WDHD1: variants seen among roughly 807,000 people sequenced by gnomAD.
WDHD1 encodes the protein WD repeat and HMG-box DNA binding protein 1.
Under a neutral mutation model 135.4 loss-of-function variants are expected in WDHD1, and 111 were observed. That is an observed-to-expected ratio of 0.82 (90% CI 0.70 to 0.96). WDHD1 has a LOEUF of 0.96. Ranked by LOEUF, WDHD1 falls within the 40% of genes least tolerant of loss-of-function variation. The probability of loss-of-function intolerance (pLI) is 0.00; values close to 1 mark genes in which losing one functional copy is unlikely to be tolerated. For synonymous variants in WDHD1, 434 were observed against 439.0 expected (o/e 0.99, Z 0.14); for missense variants, 1,351 against 1,336.3 (o/e 1.01, Z -0.17).
chr14:54,971,712 CAAAAAAAAAA>C (rs1195129802), intron 16 of WDHD1, among the ~76,000 whole-genome samples: 847 of 42,314 alleles, frequency 0.02, 20 homozygotes, highest in African/African-American at 0.071. Flanking sequence ...GACTCTGCCT[CAAAAAAAAAA>C]AAAAAAAAAA....
At chr14:55,016,972 A>G (rs1445152225) in intron 2 of WDHD1, among the ~76,000 whole-genome samples, 1 of 152,228 alleles carries the variant, frequency 6.6e-6, no homozygotes, top group East Asian at 1.9e-4. Flanking sequence ...TGATAAAAGT[A>G]TTATATCAAT....
chr14:55,022,637 G>C (rs140326760), intron 2 of WDHD1, among the ~76,000 whole-genome samples: 4 of 151,660 alleles, frequency 2.6e-5, no homozygotes, highest in Non-Finnish European at 5.9e-5. Context: ...AGCTAAGATC[G>C]CGCCACTGCA....
intron 7 of WDHD1, among the ~76,000 whole-genome samples, chr14:55,002,591 A>G (rs2041995158): frequency 6.6e-6 from 1 of 151,414 alleles, no homozygotes; most frequent in Non-Finnish European, 1.5e-5. Context: ...TGTAATTACT[A>G]GTACTTTAAA....
intron 16 of WDHD1, among the ~76,000 whole-genome samples, chr14:54,973,909 A>G (rs577557844): frequency 6.6e-6 from 1 of 152,146 alleles, no homozygotes; most frequent in Non-Finnish European, 1.5e-5. Flanking sequence ...ACCAATTCGC[A>G]TTTTTTTATC....
intron 25 of WDHD1, 76 bp downstream of exon 25, chr14:54,944,256 C>A: frequency 6.3e-7 from 1 of 1,578,602 alleles, no homozygotes; most frequent in African/African-American, 1.4e-5. Flanking sequence ...CCATACCCAG[C>A]CAAAAGGCAT....
At chr14:54,945,965 C>T (rs758147441) in intron 24 of WDHD1, among the ~76,000 whole-genome samples, 1 of 152,084 alleles carries the variant, frequency 6.6e-6, no homozygotes, top group Non-Finnish European at 1.5e-5. Flanking sequence ...ACTAGTATGA[C>T]CATAACCATT....
intron 10 of WDHD1, among the ~76,000 whole-genome samples, chr14:54,999,433 C>T (rs148377688): frequency 1.8e-3 from 276 of 152,300 alleles, no homozygotes; most frequent in Middle Eastern, 6.8e-3. Context: ...CTCCTGTTTT[C>T]AGCCCCACTT....
intron 24 of WDHD1, among the ~76,000 whole-genome samples, chr14:54,946,088 T>C (rs1329579361): frequency 6.6e-6 from 1 of 152,242 alleles, no homozygotes; most frequent in Non-Finnish European, 1.5e-5. Flanking sequence ...CAAAGGTTCC[T>C]GAATTTCCAA....
Position 54,957,683 on chromosome 14 carries a change from A to T in WDHD1, c.2702-48T>A, listed in dbSNP as rs372517901. On this transcript the variant is annotated intron_variant, in intron 21 of 25. Transcript: ENST00000360586. ...GCTTAATAATGGTAGAAAATAGATG[A>T]CTTCTGACATCTATAATACTAGACA... is the stretch of plus-strand genomic sequence containing the variant. The T allele has an allele frequency of 5.0e-5, 71 of 1,429,284 alleles. No homozygotes were observed. In the African/African-American group the frequency reaches 7.9e-4, roughly 16 times the overall value. The allele number at this position is 1,429,284 out of a possible 1,614,324, so 88.5% of individuals were successfully genotyped here. A position where few individuals can be genotyped will look rare whatever the true frequency, so the allele number is the denominator to read the frequency against.
chr14:55,012,630 T>A lies in WDHD1; in HGVS notation c.189+855A>T, dbSNP rs534045108. On this transcript the variant is annotated intron_variant, in intron 3 of 25. Transcript: ENST00000360586. ...TGGGTAATTTACAATGAACAGAAAT[T>A]TATTGTCTCATGATTCTGAAGGCTG... 3.9e-5 allele frequency among the ~76,000 whole-genome samples: 6 copies of A among 152,286 alleles called. No homozygotes were observed. The East Asian group carries it at 1.2e-3, about 29-fold the overall frequency.
chr14:54,960,722 T>G (rs1243672575), intron 21 of WDHD1, among the ~76,000 whole-genome samples: 2 of 150,760 alleles, frequency 1.3e-5, no homozygotes, highest in Non-Finnish European at 3.0e-5. Context: ...GCCAGGCTGG[T>G]CTTGAACTCC....
chr14:54,995,978 AT>A (rs1337603564), intron 10 of WDHD1, among the ~76,000 whole-genome samples, 165 bp from the exon 11 acceptor site: 3 of 152,226 alleles, frequency 2.0e-5, no homozygotes, highest in African/African-American at 7.2e-5. Flanking sequence ...TTGTATTTAT[AT>A]TTACACAATA....
chr14:55,005,765 C>T (rs1221150422), intron 7 of WDHD1: 4 of 349,896 alleles, frequency 1.1e-5, no homozygotes, highest in Non-Finnish European at 2.1e-5. Flanking sequence ...GTGCAGAAAG[C>T]CCTCATGGGC....
In WDHD1 at chr14:54,939,015, T is replaced by G. The variant is rs1405191182; in HGVS notation, c.*2475A>C. ...AACTGAGGGATGAAGTATATGCATA[T>G]TCCAAATGGTTCAGGAAAAATCCTG... On this transcript the variant is annotated 3_prime_UTR_variant, in exon 26 of 26. Transcript: ENST00000360586. 6.6e-6 allele frequency: 1 copy of G among 152,150 alleles called. No individual in the cohort carries two copies. Among genetic ancestry groups the G allele is most frequent in the Non-Finnish European group, 1.5e-5 (1 of 68,034 alleles). The allele number at this position is 152,150 out of a possible 1,614,324, so 9.4% of individuals were successfully genotyped here.
In WDHD1 at chr14:54,941,335, T is replaced by C; in HGVS notation, c.*155A>G. On this transcript the variant is annotated 3_prime_UTR_variant, in exon 26 of 26. Transcript: ENST00000360586. ...TAGTTTTTACATATGTCCTGTTACC[T>C]ACACCAATATAATTACTACATTATC... 1 of 594,822 alleles carries C rather than the reference T, an allele frequency of 1.7e-6. No homozygotes were observed. The highest frequency in any genetic ancestry group is 3.3e-5 in the South Asian group (1 of 29,864). 36.8% of individuals were successfully genotyped at this position (594,822 alleles called of 1,614,324 possible). A position where few individuals can be genotyped will look rare whatever the true frequency, so the allele number is the denominator to read the frequency against.
intron 24 of WDHD1, among the ~76,000 whole-genome samples, chr14:54,952,731 G>A (rs1431244061): frequency 6.6e-6 from 1 of 151,888 alleles, no homozygotes; most frequent in African/African-American, 2.4e-5. Flanking sequence ...CACGCTACCT[G>A]ACTTCAAACT....
At chr14:55,015,290 G>A (rs371815506) in intron 2 of WDHD1, among the ~76,000 whole-genome samples, 151 of 149,998 alleles carry the variant, frequency 1.0e-3, no homozygotes, top group African/African-American at 3.6e-3. Flanking sequence ...CAGAGGCTGA[G>A]GCATGAGAAT....
intron 24 of WDHD1, among the ~76,000 whole-genome samples, chr14:54,951,678 C>A (rs999628423): frequency 1.3e-5 from 2 of 152,182 alleles, no homozygotes; most frequent in Non-Finnish European, 2.9e-5. Context: ...GATACCAAAG[C>A]CTGGCAGACA....
chr14:55,003,587 C>CTACATATATATATATATA (rs1555371406), intron 7 of WDHD1, among the ~76,000 whole-genome samples: 4 of 143,660 alleles, frequency 2.8e-5, no homozygotes, highest in African/African-American at 1.2e-4. Flanking sequence ...GAAAAACGAA[C>CTACATATATATATATATA]TATATATATA....
Sources: allele counts gnomAD v4.1 joint callset (sites outside exome capture counted in the v4.1 genomes callset), GRCh38; gene constraint gnomAD v4.1.1; transcripts MANE v1.5; gene names NCBI Gene and HGNC (gene_info 2026-07-23, HGNC 2026-07-21).